RSF1: variants seen among roughly 807,000 people sequenced by gnomAD.
The protein encoded by RSF1 is HBV pX-associated protein 8.
In RSF1, 13 loss-of-function variants were observed where a neutral mutation model predicts 145.2. That is an observed-to-expected ratio of 0.09 (90% CI 0.06 to 0.14). The LOEUF (loss-of-function observed/expected upper bound fraction) is 0.14. Among genes scored for constraint, RSF1 ranks in the 10% least tolerant of loss-of-function variants. RSF1 has a pLI of 1.00. For synonymous variants in RSF1, 577 were observed against 592.6 expected, an observed-to-expected ratio of 0.97 and a Z score of 0.38; for missense variants, 1,517 against 1,718.2, an observed-to-expected ratio of 0.88 and a Z score of 2.07.
At chr11:77,837,309 T>A in the RSF1 span, among the ~76,000 whole-genome samples, 1 of 151,900 alleles carries the variant, frequency 6.6e-6, no homozygotes, top group African/African-American at 2.4e-5. Context: ...CTAATTTTTG[T>A]TATTTTTAGT....
upstream of RSF1, among the ~76,000 whole-genome samples, chr11:77,825,720 C>T (rs148901475): frequency 7.9e-3 from 1,156 of 146,940 alleles, 15 homozygotes; most frequent in African/African-American, 0.027. Context: ...TTGAGTCAGT[C>T]TCACTCTGTC....
chr11:77,841,867 A>G, the RSF1 span, among the ~76,000 whole-genome samples: 1 of 152,146 alleles, frequency 6.6e-6, no homozygotes, highest in African/African-American at 2.4e-5. Context: ...TGCCACTGAG[A>G]TCACCTTTTT....
the RSF1 span, chr11:77,872,047 TA>T: frequency 9.2e-7 from 1 of 1,081,566 alleles, no homozygotes; most frequent in Non-Finnish European, 1.3e-6. Context: ...GGACTGGTGA[TA>T]CACTGAGTGA....
chr11:77,729,305 C>T (rs751043725), intron 4 of RSF1, among the ~76,000 whole-genome samples: 5 of 152,102 alleles, frequency 3.3e-5, no homozygotes, highest in Non-Finnish European at 5.9e-5. Flanking sequence ...AGAGATGGGA[C>T]GTTCAGATTA....
In RSF1 at chr11:77,701,187, T is replaced by C. The variant is rs539821379; in HGVS notation, c.2042A>G (p.Asp681Gly). The change falls in exon 6 of 16, where the codon GAT becomes GGT. Residue 681 changes from aspartate (D) to glycine (G), a missense_variant. Asp to Gly is a moderately conservative substitution (Grantham distance 94). Coordinates refer to ENST00000308488, the MANE Select transcript of RSF1 (RefSeq NM_016578.4). ...EDSEFTKVEM[D>G]NLDNAQTSGI... ...AGAGGTCTGGGCATTGTCCAGATTA[T>C]CCATTTCTACCTTTGTGAACTCAGA... The C allele has an allele frequency of 2.5e-5, 41 of 1,614,166 alleles. No individual in the cohort carries two copies. Among genetic ancestry groups the C allele is most frequent in the Admixed American group, 3.3e-5 (2 of 60,026 alleles).
At chr11:77,779,966 G>A (rs189934781) in intron 1 of RSF1, among the ~76,000 whole-genome samples, 30 of 152,252 alleles carry the variant, frequency 2.0e-4, no homozygotes, top group African/African-American at 5.5e-4. Flanking sequence ...CCATCATGGG[G>A]TTCAATTTAG....
intron 1 of RSF1, among the ~76,000 whole-genome samples, chr11:77,796,611 C>T (rs1641889585): frequency 6.6e-6 from 1 of 152,134 alleles, no homozygotes; most frequent in Non-Finnish European, 1.5e-5. Context: ...GACAAGGATG[C>T]CCTCTCTCAC....
chr11:77,720,685 C>T (rs961091662), intron 5 of RSF1, among the ~76,000 whole-genome samples: 3 of 152,118 alleles, frequency 2.0e-5, no homozygotes, highest in Non-Finnish European at 4.4e-5. Flanking sequence ...ATCAGACTTT[C>T]ATGGGAGTTG....
chr11:77,797,941 C>A (rs1948589025), intron 1 of RSF1, among the ~76,000 whole-genome samples: 1 of 152,174 alleles, frequency 6.6e-6, no homozygotes, highest in Non-Finnish European at 1.5e-5. Context: ...AAATGCAAAT[C>A]AAAACCACAA....
At chr11:77,820,489 A>G (rs1471215194) in intron 1 of RSF1, 39 bp downstream of exon 1, 1 of 1,539,626 alleles carries the variant, frequency 6.5e-7, no homozygotes, top group Non-Finnish European at 8.8e-7. Flanking sequence ...GCAGAGCGCC[A>G]GGGCCGCTTC....
intron 9 of RSF1, among the ~76,000 whole-genome samples, chr11:77,689,252 A>T (rs7113891): frequency 0.03 from 4,635 of 152,260 alleles, 229 homozygotes; most frequent in African/African-American, 0.11. Context: ...ACTCTATTTC[A>T]TTCTTCTGTT....
chr11:77,812,224 T>C (rs1948738535), intron 1 of RSF1, among the ~76,000 whole-genome samples: 2 of 152,178 alleles, frequency 1.3e-5, no homozygotes, highest in Non-Finnish European at 2.9e-5. Flanking sequence ...AATTTTCCTT[T>C]TAAAAAGCCT....
At chr11:77,714,318 T>C (rs1960755963) in intron 5 of RSF1, among the ~76,000 whole-genome samples, 2 of 152,294 alleles carry the variant, frequency 1.3e-5, no homozygotes, top group Admixed American at 1.3e-4. Context: ...GTTGTTACCA[T>C]CAATATGTTC....
Position 77,713,686 on chromosome 11 carries a change from T to C in RSF1, c.734-11191A>G, listed in dbSNP as rs145174215. 2.6e-3 allele frequency among the ~76,000 whole-genome samples: 400 copies of C among 152,354 alleles called. 2 individuals are homozygous for C. Among genetic ancestry groups the C allele is most frequent in the Admixed American group, 4.1e-3 (62 of 15,308 alleles). ...CATTTTCTCTCAAATCCTTATATCCTATGTTTCTTTTGTTTTTTACAAATA... is the reference window on the plus strand; with the variant it reads ...CATTTTCTCTCAAATCCTTATATCCCATGTTTCTTTTGTTTTTTACAAATA... On this transcript the variant is annotated intron_variant, in intron 5 of 15. Transcript: ENST00000308488.
chr11:77,684,987 C>T (rs1565147731), intron 10 of RSF1, 118 bp downstream of exon 10: 4 of 416,244 alleles, frequency 9.6e-6, no homozygotes, highest in East Asian at 4.8e-5. Context: ...AACTCCATCT[C>T]GAAATAAATA....
chr11:77,801,258 A>G (rs1948623723), intron 1 of RSF1, among the ~76,000 whole-genome samples: 1 of 152,116 alleles, frequency 6.6e-6, no homozygotes, highest in South Asian at 2.1e-4. Context: ...GTGAAACCCC[A>G]ACTCTACTAA....
intron 5 of RSF1, among the ~76,000 whole-genome samples, chr11:77,708,899 T>C (rs1263228273): frequency 6.6e-6 from 1 of 152,212 alleles, no homozygotes; most frequent in African/African-American, 2.4e-5. Flanking sequence ...AGTAATATTA[T>C]TAGCTTCCCA....
At chr11:77,762,964 G>A (rs1375959174) in intron 2 of RSF1, 1 of 151,996 alleles carries the variant, frequency 6.6e-6, no homozygotes, top group African/African-American at 2.4e-5. Flanking sequence ...ATATAACAAA[G>A]TTAAGCTTAC....
At chr11:77,741,301 G>A (rs1450509810) in intron 3 of RSF1, among the ~76,000 whole-genome samples, 1 of 152,140 alleles carries the variant, frequency 6.6e-6, no homozygotes, top group Non-Finnish European at 1.5e-5. Context: ...CCAGCACTTT[G>A]GGAGGCCGAG....
Sources: allele counts gnomAD v4.1 joint callset (sites outside exome capture counted in the v4.1 genomes callset), GRCh38; gene constraint gnomAD v4.1.1; transcripts MANE v1.5; gene names NCBI Gene and HGNC (gene_info 2026-07-23, HGNC 2026-07-21).